Variants in COL4A1 observed in about 807,000 individuals in gnomAD.
The protein encoded by COL4A1 is collagen alpha-1(IV) chain.
In COL4A1, 40 loss-of-function variants were observed where a neutral mutation model predicts 216.6. That is an observed-to-expected ratio of 0.18 (90% CI 0.14 to 0.24). The LOEUF (loss-of-function observed/expected upper bound fraction) is 0.24, where lower values mean the gene tolerates loss of function less well. Ranked by LOEUF, COL4A1 falls within the 10% of genes least tolerant of loss-of-function variation. The pLI is 1.00. For missense variants in COL4A1, 1,628 were observed against 2,196.8 expected (o/e 0.74, Z 5.18); for synonymous variants, 839 against 810.7 (o/e 1.03, Z -0.59).
At chr13:110,226,815 T>C (rs1187501027) in intron 2 of COL4A1, among the ~76,000 whole-genome samples, 4 of 152,244 alleles carry the variant, frequency 2.6e-5, no homozygotes, top group Non-Finnish European at 5.9e-5. Context: ...TGAAGTTTTT[T>C]CTTTTGTGTT....
chr13:110,160,232 G>A lies in COL4A1; in HGVS notation c.4640+960C>T, dbSNP rs183960800. Reference sequence around the variant, plus strand: ...CCGAGGCGGGTGGATCATGAGGTCAGGAGATCGAGACCATCCTGGCTAACA... The same window carrying A: ...CCGAGGCGGGTGGATCATGAGGTCAAGAGATCGAGACCATCCTGGCTAACA... On this transcript the variant is annotated intron_variant, in intron 49 of 51. Coordinates refer to ENST00000375820, the MANE Select transcript of COL4A1 (RefSeq NM_001845.6). Among the ~76,000 whole-genome samples, 146 of 119,920 alleles carry A rather than the reference G, an allele frequency of 1.2e-3. 12 individuals carry two copies. The highest frequency in any genetic ancestry group is 5.1e-3 in the African/African-American group (141 of 27,572). 78.7% of individuals were successfully genotyped at this position (119,920 alleles called of 152,430 possible).
At chr13:110,197,168 T>G (rs1365645399) in intron 21 of COL4A1, among the ~76,000 whole-genome samples, 1 of 151,994 alleles carries the variant, frequency 6.6e-6, no homozygotes, top group Non-Finnish European at 1.5e-5. Context: ...ACCCCCTTCA[T>G]GTCTTTGTAA....
intron 47 of COL4A1, among the ~76,000 whole-genome samples, chr13:110,163,206 A>G (rs1877166515): frequency 6.6e-6 from 1 of 152,242 alleles, no homozygotes; most frequent in Non-Finnish European, 1.5e-5. Context: ...AGGAAACCAC[A>G]TGGGCCACCA....
At chr13:110,227,070 T>G (rs185157773) in intron 2 of COL4A1, among the ~76,000 whole-genome samples, 2 of 152,332 alleles carry the variant, frequency 1.3e-5, no homozygotes, top group Admixed American at 1.3e-4. Context: ...TTTAAAAATT[T>G]CTATCAGTAA....
rs544265903 is a variant in COL4A1 at position 110,249,757 on chromosome 13, A to C, written c.85-7023T>G. 3.3e-5 allele frequency among the ~76,000 whole-genome samples: 5 copies of C among 152,324 alleles called. No homozygotes were observed. The South Asian group carries it at 1.0e-3, about 32-fold the overall frequency. On this transcript the variant is annotated intron_variant, in intron 1 of 51. Coordinates refer to ENST00000375820, the MANE Select transcript of COL4A1 (RefSeq NM_001845.6). ...TAAACTTCAATAAAATTAGCTCCCC[A>C]AAAAAGTGTCCATGGCATTTAAAAA... is the stretch of plus-strand genomic sequence containing the variant.
intron 45 of COL4A1, among the ~76,000 whole-genome samples, chr13:110,165,401 A>G (rs1308992790): frequency 6.6e-6 from 1 of 152,134 alleles, no homozygotes; most frequent in Non-Finnish European, 1.5e-5. Flanking sequence ...GCCTTACTGT[A>G]TAGTATCACA....
chr13:110,253,389 CATATACATA>C (rs1882311554), intron 1 of COL4A1, among the ~76,000 whole-genome samples: 1 of 22,488 alleles, frequency 4.4e-5, no homozygotes, highest in Non-Finnish European at 7.5e-5. Flanking sequence ...ATATGTATTA[CATATACATA>C]TAATTATATG....
intron 1 of COL4A1, among the ~76,000 whole-genome samples, chr13:110,250,258 CAT>C (rs979151637): frequency 6.7e-6 from 1 of 150,110 alleles, no homozygotes; most frequent in African/African-American, 2.5e-5. Context: ...TAATATGTAA[CAT>C]GTCTCTCTCT....
In COL4A1 at chr13:110,211,497, T is replaced by A; in HGVS notation, c.468+150A>T. 1.5e-6 allele frequency: 1 copy of A among 649,766 alleles called. No individual in the cohort carries two copies. The allele number at this position is 649,766 out of a possible 1,614,324, so 40.3% of individuals were successfully genotyped here. On this transcript the variant is annotated intron_variant, in intron 8 of 51. Transcript: ENST00000375820. The surrounding 1 kb of genome is among the most constrained non-coding windows in gnomAD (Gnocchi z 4.3). ...GAGATCTGAGTTTGTGGGTTACTTG[T>A]ACAGTCTTTTCATGTAACAGAGTTT...
At chr13:110,195,416 G>A (rs765092231) in intron 21 of COL4A1, among the ~76,000 whole-genome samples, 7 of 152,102 alleles carry the variant, frequency 4.6e-5, no homozygotes, top group Admixed American at 2.0e-4. Flanking sequence ...TTCATCTTGC[G>A]AAGTGCCTAC....
At chr13:110,196,236 A>C (rs1035432211) in intron 21 of COL4A1, among the ~76,000 whole-genome samples, 4 of 152,212 alleles carry the variant, frequency 2.6e-5, no homozygotes. Context: ...GGAGGCAAGA[A>C]AGCCCAAGTG....
At chr13:110,187,446 T>G in intron 24 of COL4A1, 117 bp from the exon 25 acceptor site, 1 of 1,150,366 alleles carries the variant, frequency 8.7e-7, no homozygotes, top group South Asian at 1.3e-5. Context: ...TGGTCATGCA[T>G]TCATGCCTCA....
chr13:110,193,594 C>T (rs923116045), intron 22 of COL4A1, among the ~76,000 whole-genome samples: 2 of 152,234 alleles, frequency 1.3e-5, no homozygotes, highest in African/African-American at 4.8e-5. Flanking sequence ...GCAAAAAGTG[C>T]TCGCAGAGAA....
At chr13:110,183,960 G>A (rs535597753) in intron 26 of COL4A1, among the ~76,000 whole-genome samples, 2 of 152,162 alleles carry the variant, frequency 1.3e-5, no homozygotes, top group African/African-American at 4.8e-5. Flanking sequence ...CGTACACCTC[G>A]TAAGAGTTCA....
intron 1 of COL4A1, among the ~76,000 whole-genome samples, chr13:110,277,168 G>A (rs1043564346): frequency 1.2e-4 from 18 of 152,074 alleles, no homozygotes; most frequent in African/African-American, 4.3e-4. Context: ...TATCAATACG[G>A]TCCTCTGTAG....
At chr13:110,240,110 C>T (rs536393580) in intron 2 of COL4A1, among the ~76,000 whole-genome samples, 97 of 152,292 alleles carry the variant, frequency 6.4e-4, no homozygotes, top group Non-Finnish European at 1.3e-3. Flanking sequence ...AAGAGGTCTT[C>T]TGAATCCATT....
At chr13:110,210,484 G>A (rs1382743216) in intron 8 of COL4A1, among the ~76,000 whole-genome samples, 2 of 152,032 alleles carry the variant, frequency 1.3e-5, no homozygotes, top group Admixed American at 6.5e-5. Flanking sequence ...CACACTGCCC[G>A]AGGACCACCC....
chr13:110,253,986 A>G (rs1022919817), intron 1 of COL4A1, among the ~76,000 whole-genome samples: 1 of 152,076 alleles, frequency 6.6e-6, no homozygotes, highest in Non-Finnish European at 1.5e-5. Context: ...CCCAAAATCC[A>G]AAATACAAAA....
At chr13:110,163,414 C>T (rs1352543508) in intron 47 of COL4A1, 49 bp downstream of exon 47, 15 of 1,556,486 alleles carry the variant, frequency 9.6e-6, no homozygotes, top group Non-Finnish European at 1.3e-5. Flanking sequence ...CTCCTTCTAT[C>T]CCAAAGATCC....
Sources: allele counts gnomAD v4.1 joint callset (sites outside exome capture counted in the v4.1 genomes callset), GRCh38; gene constraint gnomAD v4.1.1; non-coding constraint Gnocchi (gnomAD v3.1); transcripts MANE v1.5; gene names NCBI Gene and HGNC (gene_info 2026-07-23, HGNC 2026-07-21).